The following EBF2 variants were observed in gnomAD, a reference collection of about 807,000 sequenced individuals.
EBF2 encodes the protein transcription factor COE2.
A neutral mutation model predicts 72.8 loss-of-function variants in EBF2; 21 were observed. That is an observed-to-expected ratio of 0.29 (90% confidence interval 0.20 to 0.42). The LOEUF (loss-of-function observed/expected upper bound fraction) is 0.42, where lower values mean the gene tolerates loss of function less well. Ranked by LOEUF, EBF2 falls within the 10% of genes least tolerant of loss-of-function variation. The pLI, the probability that EBF2 is intolerant of heterozygous loss-of-function variation, is 1.00. For missense variants in EBF2, 637 were observed against 731.2 expected (o/e 0.87, Z 1.49); for synonymous variants, 299 against 274.2 (o/e 1.09, Z -0.89).
At chr8:26,029,266 TTG>T (rs1437276825) in intron 6 of EBF2, among the ~76,000 whole-genome samples, 3 of 152,356 alleles carry the variant, frequency 2.0e-5, no homozygotes, top group African/African-American at 7.2e-5. Flanking sequence ...CCAAGTTGTT[TTG>T]TGTTTGAGCT....
intron 7 of EBF2, among the ~76,000 whole-genome samples, chr8:25,897,829 G>A (rs750085604): frequency 1.7e-4 from 26 of 152,330 alleles, no homozygotes; most frequent in Non-Finnish European, 3.2e-4. Flanking sequence ...ACATACAAAT[G>A]TGCATGTCTT....
chr8:25,968,414 G>C (rs1231599413), intron 6 of EBF2, among the ~76,000 whole-genome samples: 1 of 152,166 alleles, frequency 6.6e-6, no homozygotes, highest in Non-Finnish European at 1.5e-5. Context: ...ACATTATGCT[G>C]AGTGAAATAA....
At chr8:25,918,755 C>T (rs1803264912) in intron 6 of EBF2, among the ~76,000 whole-genome samples, 1 of 152,030 alleles carries the variant, frequency 6.6e-6, no homozygotes, top group South Asian at 2.1e-4. Context: ...AACATTCAAA[C>T]AATCAAAAAA....
chr8:26,018,619 C>T (rs1233918058), intron 6 of EBF2, among the ~76,000 whole-genome samples: 1 of 151,344 alleles, frequency 6.6e-6, no homozygotes, highest in East Asian at 1.9e-4. Context: ...TGCAGTGAGC[C>T]GAGATTGTGC....
intron 6 of EBF2, among the ~76,000 whole-genome samples, chr8:26,003,005 G>A (rs1413877710): frequency 6.6e-6 from 1 of 152,002 alleles, no homozygotes; most frequent in Admixed American, 6.5e-5. Flanking sequence ...CTCTCATCTG[G>A]GGAAGGTCTC....
intron 11 of EBF2, 64 bp downstream of exon 11, chr8:25,862,645 T>G: frequency 7.3e-7 from 1 of 1,374,720 alleles, no homozygotes; most frequent in Non-Finnish European, 1.0e-6. Context: ...AATGCCTGCA[T>G]TTGTCTAAGT....
intron 10 of EBF2, among the ~76,000 whole-genome samples, chr8:25,874,327 C>T (rs1008385780): frequency 6.6e-6 from 1 of 152,116 alleles, no homozygotes; most frequent in African/African-American, 2.4e-5. Context: ...GTGGAAAAAC[C>T]TCGGCCTCTG....
chr8:25,943,394 C>T (rs1190370756), intron 6 of EBF2, among the ~76,000 whole-genome samples: 2 of 151,552 alleles, frequency 1.3e-5, no homozygotes, highest in African/African-American at 2.4e-5. Context: ...CCTGTAGTTC[C>T]AGCTACTTGG....
chr8:25,868,059 G>A (rs75869989), intron 10 of EBF2, among the ~76,000 whole-genome samples: 2,160 of 152,104 alleles, frequency 0.014, 112 homozygotes, highest in Admixed American at 0.091. Context: ...ATTTTATTTC[G>A]TTGTGTAACA....
chr8:25,981,264 G>A (rs17817279), intron 6 of EBF2, among the ~76,000 whole-genome samples: 33,744 of 151,880 alleles, frequency 0.22, 4,293 homozygotes, highest in Non-Finnish European at 0.29. Context: ...AACAGGAGTG[G>A]CCTAGACCTT....
intron 10 of EBF2, among the ~76,000 whole-genome samples, chr8:25,869,843 G>A (rs1207439068): frequency 6.6e-6 from 1 of 152,144 alleles, no homozygotes; most frequent in Non-Finnish European, 1.5e-5. Flanking sequence ...AGGCACATTA[G>A]CTCGTTCGAT....
chr8:25,891,673 G>A (rs1023791842), intron 7 of EBF2, among the ~76,000 whole-genome samples: 1 of 151,828 alleles, frequency 6.6e-6, no homozygotes, highest in East Asian at 1.9e-4. Context: ...CACCTCCAGG[G>A]TTAAAACAAT....
intron 7 of EBF2, among the ~76,000 whole-genome samples, chr8:25,906,095 T>C (rs1341396567): frequency 6.6e-6 from 1 of 152,216 alleles, no homozygotes; most frequent in Non-Finnish European, 1.5e-5. Flanking sequence ...AATATTAGCA[T>C]GCATTTGCTT....
At chr8:25,887,778 T>C in intron 9 of EBF2, 64 bp downstream of exon 9, 1 of 1,456,212 alleles carries the variant, frequency 6.9e-7, no homozygotes, top group Non-Finnish European at 9.1e-7. Flanking sequence ...TTTGTGCTAG[T>C]TTCCCAGATC....
intron 7 of EBF2, among the ~76,000 whole-genome samples, chr8:25,906,415 G>A (rs1289480615): frequency 6.6e-6 from 1 of 152,096 alleles, no homozygotes; most frequent in Non-Finnish European, 1.5e-5. Flanking sequence ...TTTCCACCAT[G>A]CACGAAGTTC....
At chr8:25,905,807 T>A (rs984083267) in intron 7 of EBF2, among the ~76,000 whole-genome samples, 1 of 152,164 alleles carries the variant, frequency 6.6e-6, no homozygotes, top group South Asian at 2.1e-4. Flanking sequence ...CACTTTTAAA[T>A]GGTTAAAATG....
chr8:25,974,170 G>A (rs531309685), intron 6 of EBF2, among the ~76,000 whole-genome samples: 5 of 152,222 alleles, frequency 3.3e-5, no homozygotes, highest in East Asian at 3.9e-4. Context: ...CTGATTTTAC[G>A]GATGAGCTCA....
At chr8:25,852,959 A>G (rs927410368) in intron 14 of EBF2, among the ~76,000 whole-genome samples, 32 of 152,206 alleles carry the variant, frequency 2.1e-4, no homozygotes, top group African/African-American at 7.7e-4. Flanking sequence ...AGAAATAGGC[A>G]GACAAATCTT....
chr8:25,914,404 G>A (rs149139175), intron 6 of EBF2, among the ~76,000 whole-genome samples: 2 of 152,342 alleles, frequency 1.3e-5, no homozygotes, highest in South Asian at 2.1e-4. Flanking sequence ...GTGGGACCCA[G>A]CCTTGGCCTG....
Sources: gnomAD v4.1 joint callset for allele counts (sites outside exome capture counted in the v4.1 genomes callset) on GRCh38, gnomAD v4.1.1 for gene constraint, MANE v1.5 for transcripts, NCBI Gene and HGNC (gene_info 2026-07-23, HGNC 2026-07-21) for gene names.